The following ZNF469 variants were observed in gnomAD, a reference collection of about 807,000 sequenced individuals.
The protein encoded by ZNF469 is zinc finger protein 469.
Under a neutral mutation model 1.0 loss-of-function variants are expected in ZNF469, and 1 was observed. That is an observed-to-expected ratio of 1.00 (90% CI 0.35 to 4.73). The LOEUF (loss-of-function observed/expected upper bound fraction) is 4.73. ZNF469 is among the 30% of genes most tolerant of loss of function. The pLI is 0.16. For missense variants in ZNF469, 6,100 were observed against 5,356.3 expected, an observed-to-expected ratio of 1.14 and a Z score of -4.33; for synonymous variants, 2,703 against 2,363.4, an observed-to-expected ratio of 1.14 and a Z score of -4.17.
chr16:88,106,263 A>G, the ZNF469 span, among the ~76,000 whole-genome samples: 1 of 152,158 alleles, frequency 6.6e-6, no homozygotes, highest in South Asian at 2.1e-4. Context: ...CTCTTCCTCC[A>G]TGCCGCTCCT....
the ZNF469 span, among the ~76,000 whole-genome samples, chr16:88,259,549 C>T: frequency 6.6e-6 from 1 of 152,212 alleles, no homozygotes; most frequent in Admixed American, 6.5e-5. The surrounding 1 kb of genome is among the most constrained non-coding windows in gnomAD (Gnocchi z 4.1). Context: ...AGGGCCACGG[C>T]AGCTGGGGGC....
At chr16:88,396,621 G>T (rs113472510) in intron 1 of ZNF469, among the ~76,000 whole-genome samples, 6,039 of 93,560 alleles carry the variant, frequency 0.065, 11 homozygotes, top group African/African-American at 0.12. Flanking sequence ...AAGGGAGGCC[G>T]GGAGGAGACC....
Position 88,431,815 on chromosome 16 carries a change from A to G in ZNF469, c.4345A>G (p.Thr1449Ala). 1 of 1,549,624 alleles carries G rather than the reference A, an allele frequency of 6.5e-7. No homozygotes were observed. Among genetic ancestry groups the G allele is most frequent in the Non-Finnish European group, 8.7e-7 (1 of 1,146,904 alleles). ...TEPGRAASPP[T>A]LESSSLFPDL... ...GCCAGGCAGGGCTGCATCGCCACCG[A>G]CCTTGGAGTCCTCATCCCTCTTCCC... The change falls in exon 3 of 3, where the codon ACC becomes GCC. Residue 1449 changes from threonine to alanine, a missense_variant. Transcript: ENST00000565624.
the ZNF469 span, among the ~76,000 whole-genome samples, chr16:88,298,551 C>T: frequency 6.6e-6 from 1 of 152,206 alleles, no homozygotes; most frequent in Non-Finnish European, 1.5e-5. Context: ...TTAGGAAAGT[C>T]TCCTGAGGCG....
Position 88,432,220 on chromosome 16 carries a change from G to A in ZNF469, c.4750G>A (p.Ala1584Thr), listed in dbSNP as rs1489109228. ...GCAAAGGAGCAAAGACACACGTGGG[G>A]CCCCGAGAGAGCTTGCAGAAGCTGA... ...QLQRSKDTRG[A>T]PRELAEAESV... The change falls in exon 3 of 3, where the codon GCC becomes ACC. Residue 1584 changes from alanine to threonine, a missense_variant. Transcript: ENST00000565624. The A allele has an allele frequency of 6.5e-7, 1 of 1,549,818 alleles. No individual in the cohort carries two copies. Among genetic ancestry groups the A allele is most frequent in the Admixed American group, 2.0e-5 (1 of 51,008 alleles).
the ZNF469 span, among the ~76,000 whole-genome samples, chr16:88,246,880 T>G: frequency 1.7e-4 from 26 of 151,216 alleles, no homozygotes; most frequent in African/African-American, 6.3e-4. Context: ...AGTGAGTGAA[T>G]GAATGAGTGA....
chr16:88,428,658 G>A lies in ZNF469; in HGVS notation c.1188G>A (p.Gly396=). Residue 396 remains glycine, a synonymous_variant, in exon 3 of 3, where the codon GGG becomes GGA. Transcript: ENST00000565624. ...AGGATGGGCTGGGGAGCACGAGAGG[G>A]CCCCCTAGCTCCCTACCCCAGAGGC... is the stretch of plus-strand genomic sequence containing the variant. ...SAQDGLGSTR[G]PPSSLPQRHF... is the part of the protein sequence containing the mutation. 3 of 1,550,010 alleles carry A rather than the reference G, an allele frequency of 1.9e-6. No homozygotes were observed. Among genetic ancestry groups the A allele is most frequent in the South Asian group, 1.2e-5 (1 of 84,062 alleles).
the ZNF469 span, among the ~76,000 whole-genome samples, chr16:88,137,602 A>G: frequency 6.6e-6 from 1 of 152,176 alleles, no homozygotes; most frequent in African/African-American, 2.4e-5. Context: ...GTGCATGAAT[A>G]CAGCTATGCG....
the ZNF469 span, among the ~76,000 whole-genome samples, chr16:88,166,813 ATG>A: frequency 2.0e-5 from 3 of 152,068 alleles, no homozygotes; most frequent in African/African-American, 7.2e-5. The surrounding 1 kb of genome is among the most constrained non-coding windows in gnomAD (Gnocchi z 4.5). Flanking sequence ...ATACATATAA[ATG>A]TATATAAAAT....
the ZNF469 span, among the ~76,000 whole-genome samples, chr16:88,304,516 G>A: frequency 4.6e-5 from 7 of 152,128 alleles, no homozygotes; most frequent in African/African-American, 1.7e-4. Flanking sequence ...GACTCACCCA[G>A]TCGCCCGGTG....
chr16:88,439,727 T>C lies in ZNF469; in HGVS notation c.*395T>C, dbSNP rs1567518409. Reference sequence around the variant, plus strand: ...CCCCCACATGGAGAAGGGAAGTAAGTTGAGGCAGCCGTGGGATGGTGGTAG... The same window carrying C: ...CCCCCACATGGAGAAGGGAAGTAAGCTGAGGCAGCCGTGGGATGGTGGTAG... On this transcript the variant is annotated 3_prime_UTR_variant, in exon 3 of 3. Coordinates refer to ENST00000565624, the MANE Select transcript of ZNF469 (RefSeq NM_001367624.2). The C allele has an allele frequency of 1.0e-5, 3 of 288,342 alleles. No individual in the cohort carries two copies. The highest frequency in any genetic ancestry group is 9.4e-5 in the East Asian group (1 of 10,624). The allele number at this position is 288,342 out of a possible 1,614,324, so 17.9% of individuals were successfully genotyped here.
At chr16:88,136,212 G>T in the ZNF469 span, among the ~76,000 whole-genome samples, 1 of 152,196 alleles carries the variant, frequency 6.6e-6, no homozygotes, top group African/African-American at 2.4e-5. Flanking sequence ...CTGCGTGGGG[G>T]AGGCTGTGAG....
At chr16:88,297,440 A>C in the ZNF469 span, among the ~76,000 whole-genome samples, 2 of 152,156 alleles carry the variant, frequency 1.3e-5, no homozygotes, top group African/African-American at 4.8e-5. Flanking sequence ...TCATAGGCTT[A>C]CCTGCAAAGC....
the ZNF469 span, among the ~76,000 whole-genome samples, chr16:88,320,817 G>A: frequency 6.6e-6 from 1 of 152,174 alleles, no homozygotes; most frequent in Non-Finnish European, 1.5e-5. Flanking sequence ...ACAACCCCCA[G>A]TGGTTAACCA....
chr16:88,201,807 C>T, the ZNF469 span, among the ~76,000 whole-genome samples: 1 of 152,302 alleles, frequency 6.6e-6, no homozygotes, highest in South Asian at 2.1e-4. This position sits in a 1 kb window ranked among gnomAD's most constrained non-coding sequence, Gnocchi z 5.0. Context: ...CTGGGAAGGA[C>T]CAGAAGTTCC....
At chr16:88,133,423 C>T in the ZNF469 span, among the ~76,000 whole-genome samples, 10 of 152,214 alleles carry the variant, frequency 6.6e-5, no homozygotes, top group Admixed American at 4.6e-4. Context: ...CTGAGGAAAC[C>T]GCAGCTCACA....
Position 88,406,692 on chromosome 16 carries a change from T to G in ZNF469, c.-191-18115T>G, listed in dbSNP as rs930157209. ...AGAGTCCTCTCCCTGTGTGCATGTC[T>G]GCGGCCCCTGCCTCCGAGGGCTACA... is the stretch of plus-strand genomic sequence containing the variant. On this transcript the variant is annotated intron_variant, in intron 1 of 2. Coordinates refer to ENST00000565624, the MANE Select transcript of ZNF469 (RefSeq NM_001367624.2). Among the ~76,000 whole-genome samples, 6 of 152,344 alleles carry G rather than the reference T, an allele frequency of 3.9e-5. No individual in the cohort carries two copies. The East Asian group carries it at 1.2e-3, about 29-fold the overall frequency.
chr16:88,322,339 C>A, the ZNF469 span, among the ~76,000 whole-genome samples: 1 of 152,242 alleles, frequency 6.6e-6, no homozygotes, highest in African/African-American at 2.4e-5. Flanking sequence ...TACCTGGACC[C>A]ATCACATGGG....
At chr16:88,419,786 AGCCG>A (rs753580600) in intron 1 of ZNF469, among the ~76,000 whole-genome samples, 42 of 152,226 alleles carry the variant, frequency 2.8e-4, no homozygotes, top group Non-Finnish European at 5.3e-4. Context: ...TCATCAGAGC[AGCCG>A]CTCAGGTCAC....
Sources: allele counts gnomAD v4.1 joint callset (sites outside exome capture counted in the v4.1 genomes callset), GRCh38; gene constraint gnomAD v4.1.1; non-coding constraint Gnocchi (gnomAD v3.1); transcripts MANE v1.5; gene names NCBI Gene and HGNC (gene_info 2026-07-23, HGNC 2026-07-21).